Variants in PLCD3 observed in about 807,000 individuals in gnomAD.
The protein encoded by PLCD3 is phospholipase C delta 3.
PLCD3 carries 62 observed loss-of-function variants against 82.8 expected under a neutral mutation model. That is an observed-to-expected ratio of 0.75 (90% CI 0.61 to 0.93). The LOEUF (loss-of-function observed/expected upper bound fraction) is 0.93. Among genes scored for constraint, PLCD3 ranks in the 40% least tolerant of loss-of-function variants. The pLI, the probability that PLCD3 is intolerant of heterozygous loss-of-function variation, is 0.00. For missense variants in PLCD3, 1,023 were observed against 1,103.4 expected, an observed-to-expected ratio of 0.93 and a Z score of 1.03; for synonymous variants, 478 against 471.8, an observed-to-expected ratio of 1.01 and a Z score of -0.17.
intron 4 of PLCD3, among the ~76,000 whole-genome samples, chr17:45,119,962 G>A (rs1183453836): frequency 6.6e-6 from 1 of 152,134 alleles, no homozygotes; most frequent in African/African-American, 2.4e-5. Context: ...GGAGAAGGGT[G>A]CACACGTGTA....
chr17:45,113,070 C>T lies in PLCD3; in HGVS notation c.2131+52G>A, dbSNP rs915870097. 2.5e-6 allele frequency: 4 copies of T among 1,609,254 alleles called. No individual in the cohort carries two copies. The African/African-American group carries it at 4.0e-5, about 16-fold the overall frequency. ...GGCCCCAGGACCCACCCTGCACCACCCTTCGCTCTCTGCAGTCTCCCCCAA... is the reference window on the plus strand; with the variant it reads ...GGCCCCAGGACCCACCCTGCACCACTCTTCGCTCTCTGCAGTCTCCCCCAA... On this transcript the variant is annotated intron_variant, in intron 13 of 14. Coordinates refer to ENST00000619929, the MANE Select transcript of PLCD3 (RefSeq NM_133373.5).
chr17:45,130,236 G>A (rs1459714654), intron 1 of PLCD3, among the ~76,000 whole-genome samples: 1 of 152,178 alleles, frequency 6.6e-6, no homozygotes. Context: ...GTGTCACCTT[G>A]ATGAGGTGCC....
Position 45,113,619 on chromosome 17 carries a change from A to T in PLCD3, c.1829-14T>A. On this transcript the variant is annotated splice_polypyrimidine_tract_variant and intron_variant, in intron 11 of 14. Transcript: ENST00000619929. ...AGTTCAAGGCCACTGTGGACACAGC[A>T]GGGTCAGAGCAGGGGCTCTTAGCGG... 2 of 1,553,458 alleles carry T rather than the reference A, an allele frequency of 1.3e-6. No homozygotes were observed. The highest frequency in any genetic ancestry group is 1.7e-6 in the Non-Finnish European group (2 of 1,148,114).
intron 8 of PLCD3, 64 bp from the exon 9 acceptor site, chr17:45,115,554 CAGTT>C (rs1282846010): frequency 6.2e-6 from 9 of 1,460,940 alleles, no homozygotes; most frequent in Admixed American, 2.0e-5. Flanking sequence ...GCCAGTCAGT[CAGTT>C]ATTCAACCAC....
At chr17:45,130,439 G>C (rs543624475) in intron 1 of PLCD3, among the ~76,000 whole-genome samples, 1 of 152,298 alleles carries the variant, frequency 6.6e-6, no homozygotes, top group East Asian at 1.9e-4. Flanking sequence ...AAACGTGTGG[G>C]ATGAAGAGGC....
At position 45,112,549 on chromosome 17, in the gene PLCD3, G is replaced by T; in HGVS notation, c.*67C>A. The T allele has an allele frequency of 1.4e-6, 2 of 1,469,528 alleles. No homozygotes were observed. The highest frequency in any genetic ancestry group is 1.2e-5 in the South Asian group (1 of 82,258). 91.0% of individuals were successfully genotyped at this position (1,469,528 alleles called of 1,614,324 possible). ...GTACTCCCACCACCTGACTCCAGAG[G>T]AGGAGAGGGCTCTGCAGGGGATGTG... On this transcript the variant is annotated 3_prime_UTR_variant, in exon 15 of 15. Coordinates refer to ENST00000619929, the MANE Select transcript of PLCD3 (RefSeq NM_133373.5).
intron 1 of PLCD3, among the ~76,000 whole-genome samples, chr17:45,124,956 C>T (rs1382186826): frequency 1.3e-5 from 2 of 152,014 alleles, no homozygotes; most frequent in African/African-American, 4.8e-5. Context: ...TTTGGGAGGC[C>T]AAGGCAGGCG....
At chr17:45,120,519 G>C (rs941397574) in intron 3 of PLCD3, 65 bp from the exon 4 acceptor site, 1 of 1,606,136 alleles carries the variant, frequency 6.2e-7, no homozygotes, top group African/African-American at 1.3e-5. Context: ...TAACTGGCTG[G>C]TAAGTCACCC....
intron 1 of PLCD3, among the ~76,000 whole-genome samples, chr17:45,131,250 T>G (rs1409943020): frequency 6.6e-6 from 1 of 152,172 alleles, no homozygotes; most frequent in Non-Finnish European, 1.5e-5. Context: ...TGCCCCAAGT[T>G]CTACACGGGG....
chr17:45,116,928 T>A, intron 7 of PLCD3, 144 bp from the exon 8 acceptor site: 1 of 1,029,330 alleles, frequency 9.7e-7, no homozygotes, highest in Non-Finnish European at 1.3e-6. Flanking sequence ...TCCAGGAGGC[T>A]GAGGGCGGCT....
At position 45,118,506 on chromosome 17, in the gene PLCD3, A is replaced by AG. The variant is rs2054309663; in HGVS notation, c.914-15dup. 1.2e-6 allele frequency: 2 copies of AG among 1,613,606 alleles called. No homozygotes were observed. Among genetic ancestry groups the AG allele is most frequent in the Non-Finnish European group, 1.7e-6 (2 of 1,179,758 alleles). On this transcript the variant is annotated splice_polypyrimidine_tract_variant and intron_variant, in intron 5 of 14. Coordinates refer to ENST00000619929, the MANE Select transcript of PLCD3 (RefSeq NM_133373.5). The surrounding 1 kb of genome is among the most constrained non-coding windows in gnomAD (Gnocchi z 4.1). ...CATGCTGCTTGGCTGCAGGGGTGGCAGGAGAGGGCATCAGGCCACATAGGG... is the reference window on the plus strand; with the variant it reads ...CATGCTGCTTGGCTGCAGGGGTGGCAGGGAGAGGGCATCAGGCCACATAGGG...
chr17:45,123,001 T>G (rs752944913), intron 1 of PLCD3, among the ~76,000 whole-genome samples: 1 of 151,934 alleles, frequency 6.6e-6, no homozygotes, highest in Non-Finnish European at 1.5e-5. Context: ...CGAAATCAAA[T>G]TGAAAAAAAA....
At chr17:45,124,274 C>A (rs1205657001) in intron 1 of PLCD3, among the ~76,000 whole-genome samples, 1 of 152,240 alleles carries the variant, frequency 6.6e-6, no homozygotes, top group Non-Finnish European at 1.5e-5. Flanking sequence ...ACACAGGCAG[C>A]CTGAACGCCT....
chr17:45,116,483 T>C (rs2054292583), intron 8 of PLCD3, 149 bp downstream of exon 8: 2 of 809,660 alleles, frequency 2.5e-6, no homozygotes, highest in South Asian at 2.2e-5. Context: ...GACCAGGGGA[T>C]GGCAGACCTC....
chr17:45,131,801 C>G (rs11652386), intron 1 of PLCD3, among the ~76,000 whole-genome samples: 132,522 of 152,242 alleles, frequency 0.87, 57,837 homozygotes, highest in East Asian at 0.96. Context: ...GGGGCCGCGG[C>G]TTGGAGGGCT....
chr17:45,112,577 C>T lies in PLCD3; in HGVS notation c.*39G>A, dbSNP rs370213229. ...GAGAGGGCTCTGCAGGGGATGTGGA[C>T]TGGCACTCGCAGAACCCCAAGGCGA... On this transcript the variant is annotated 3_prime_UTR_variant, in exon 15 of 15. Coordinates refer to ENST00000619929, the MANE Select transcript of PLCD3 (RefSeq NM_133373.5). 3 of 1,535,118 alleles carry T rather than the reference C, an allele frequency of 2.0e-6. No homozygotes were observed. Among genetic ancestry groups the T allele is most frequent in the Non-Finnish European group, 2.7e-6 (3 of 1,128,512 alleles).
At position 45,109,211 on chromosome 17, in the gene PLCD3, C is replaced by T. The variant is rs117156303; in HGVS notation, c.*3405G>A. ...TTGGTGTTGTCAGACCCTTCCCACCCGCCAGAGACGAGCTGCTATTGACCC... is the reference window on the plus strand; with the variant it reads ...TTGGTGTTGTCAGACCCTTCCCACCTGCCAGAGACGAGCTGCTATTGACCC... On this transcript the variant is annotated 3_prime_UTR_variant, in exon 15 of 15. Coordinates refer to ENST00000619929, the MANE Select transcript of PLCD3 (RefSeq NM_133373.5). The T allele has an allele frequency of 0.01, 1,572 of 152,396 alleles. 22 individuals carry two copies. Among genetic ancestry groups the T allele is most frequent in the South Asian group, 0.067 (325 of 4,828 alleles). 9.4% of individuals were successfully genotyped at this position (152,396 alleles called of 1,614,324 possible). A position where few individuals can be genotyped will look rare whatever the true frequency, so the allele number is the denominator to read the frequency against.
chr17:45,122,708 G>A (rs944298120), intron 1 of PLCD3, among the ~76,000 whole-genome samples: 5 of 152,214 alleles, frequency 3.3e-5, no homozygotes, highest in Admixed American at 1.3e-4. Context: ...CAGCGTGACC[G>A]ACACTGTGCC....
In PLCD3 at chr17:45,118,789, C is replaced by G; in HGVS notation, c.913+26G>C. ...GGGAACACAGCCCTTTCAGGTGCCA[C>G]GACCTGGCCGTGCCACCCCCCCCAC... On this transcript the variant is annotated intron_variant, in intron 5 of 14. Transcript: ENST00000619929. This position sits in a 1 kb window ranked among gnomAD's most constrained non-coding sequence, Gnocchi z 4.1. The G allele has an allele frequency of 6.3e-7, 1 of 1,584,674 alleles. No individual in the cohort carries two copies. Among genetic ancestry groups the G allele is most frequent in the Non-Finnish European group, 8.6e-7 (1 of 1,163,632 alleles).
Sources: gnomAD v4.1 joint callset for allele counts (sites outside exome capture counted in the v4.1 genomes callset) on GRCh38, gnomAD v4.1.1 for gene constraint, Gnocchi (gnomAD v3.1) non-coding constraint, MANE v1.5 for transcripts, NCBI Gene and HGNC (gene_info 2026-07-23, HGNC 2026-07-21) for gene names.